The following CCDC91 variants were observed in gnomAD, a reference collection of about 807,000 sequenced individuals.
CCDC91 encodes coiled-coil domain containing 91.
Under a neutral mutation model 63.2 loss-of-function variants are expected in CCDC91, and 48 were observed. The observed-to-expected ratio is 0.76, with a 90% confidence interval of 0.60 to 0.97. The LOEUF (loss-of-function observed/expected upper bound fraction) is 0.97, where lower values mean the gene tolerates loss of function less well. Among genes scored for constraint, CCDC91 ranks in the 50% least tolerant of loss-of-function variants. The pLI is 0.00. For missense variants in CCDC91, 500 were observed against 494.6 expected, an observed-to-expected ratio of 1.01 and a Z score of -0.10; for synonymous variants, 167 against 165.8, an observed-to-expected ratio of 1.01 and a Z score of -0.06.
At chr12:28,431,239 C>G (rs980258582) in intron 8 of CCDC91, among the ~76,000 whole-genome samples, 1 of 152,078 alleles carries the variant, frequency 6.6e-6, no homozygotes, top group Non-Finnish European at 1.5e-5. Flanking sequence ...TCCTATGTAT[C>G]TATTAATCAA....
chr12:28,357,461 G>A (rs533071308), intron 6 of CCDC91, among the ~76,000 whole-genome samples: 3 of 152,088 alleles, frequency 2.0e-5, no homozygotes, highest in Admixed American at 1.3e-4. Flanking sequence ...CAGATTTTAC[G>A]GACCATGACT....
At chr12:28,489,244 TTCTC>T (rs1951875053) in intron 12 of CCDC91, among the ~76,000 whole-genome samples, 1 of 151,942 alleles carries the variant, frequency 6.6e-6, no homozygotes, top group African/African-American at 2.4e-5. Flanking sequence ...TGGAGAAGAT[TTCTC>T]TCTATGTATT....
At chr12:28,389,535 G>A (rs1945809170) in intron 7 of CCDC91, among the ~76,000 whole-genome samples, 1 of 152,024 alleles carries the variant, frequency 6.6e-6, no homozygotes. Flanking sequence ...CCTAGAGGAA[G>A]ACTACCTTAT....
intron 12 of CCDC91, among the ~76,000 whole-genome samples, chr12:28,505,892 C>G (rs1242309648): frequency 2.6e-5 from 4 of 151,968 alleles, no homozygotes; most frequent in African/African-American, 9.7e-5. Context: ...ACAGAGATGA[C>G]TGCTTAAACA....
At chr12:28,542,701 CAG>C (rs1160315265) in intron 12 of CCDC91, among the ~76,000 whole-genome samples, 1 of 152,044 alleles carries the variant, frequency 6.6e-6, no homozygotes. Context: ...GAAATTGGTT[CAG>C]AGTCTCTTTC....
chr12:28,536,293 A>AT (rs1256839348), intron 12 of CCDC91, among the ~76,000 whole-genome samples: 1 of 152,232 alleles, frequency 6.6e-6, no homozygotes, highest in Non-Finnish European at 1.5e-5. Flanking sequence ...CGAAATTTCT[A>AT]TCTAAAATGC....
At chr12:28,244,159 G>A (rs888988772) in intron 1 of CCDC91, among the ~76,000 whole-genome samples, 3 of 152,104 alleles carry the variant, frequency 2.0e-5, no homozygotes, top group Non-Finnish European at 4.4e-5. Context: ...TAGATTAAAA[G>A]TGAAAAACTG....
chr12:28,488,650 A>G (rs925948393), intron 12 of CCDC91, among the ~76,000 whole-genome samples: 1 of 151,880 alleles, frequency 6.6e-6, no homozygotes, highest in Non-Finnish European at 1.5e-5. Flanking sequence ...ACACTCATAA[A>G]TTTTCCATTG....
At chr12:28,407,298 G>A (rs889630687) in intron 8 of CCDC91, among the ~76,000 whole-genome samples, 1 of 151,984 alleles carries the variant, frequency 6.6e-6, no homozygotes, top group Non-Finnish European at 1.5e-5. Flanking sequence ...TGCAAGAATG[G>A]AATAATACAG....
At chr12:28,500,810 T>C (rs1937729628) in intron 12 of CCDC91, among the ~76,000 whole-genome samples, 1 of 151,732 alleles carries the variant, frequency 6.6e-6, no homozygotes, top group Non-Finnish European at 1.5e-5. Flanking sequence ...CAGTCAGCAC[T>C]TGGAATGTTC....
At chr12:28,328,746 G>A (rs1231342354) in intron 6 of CCDC91, among the ~76,000 whole-genome samples, 4 of 152,012 alleles carry the variant, frequency 2.6e-5, no homozygotes, top group Non-Finnish European at 5.9e-5. Flanking sequence ...TGACTAAAAA[G>A]AATTATTATT....
At chr12:28,509,081 T>C (rs1939076096) in intron 12 of CCDC91, among the ~76,000 whole-genome samples, 1 of 151,944 alleles carries the variant, frequency 6.6e-6, no homozygotes, top group African/African-American at 2.4e-5. Flanking sequence ...TTTCACGTAA[T>C]GTGGACTGCT....
In CCDC91 at chr12:28,549,240, A is replaced by G; in HGVS notation, c.*67A>G. On this transcript the variant is annotated 3_prime_UTR_variant, in exon 13 of 13. Coordinates refer to ENST00000536442, the MANE Select transcript of CCDC91 (RefSeq NM_018318.5). ...TTACACCTTCAAAATACACACTCTGAATTATAAAGATGTGTTTGTTTTCTT... is the reference window on the plus strand; with the variant it reads ...TTACACCTTCAAAATACACACTCTGGATTATAAAGATGTGTTTGTTTTCTT... 1.2e-6 allele frequency: 1 copy of G among 855,974 alleles called. No homozygotes were observed. The highest frequency in any genetic ancestry group is 2.0e-6 in the Non-Finnish European group (1 of 507,094). The allele number at this position is 855,974 out of a possible 1,614,324, so 53.0% of individuals were successfully genotyped here.
intron 3 of CCDC91, among the ~76,000 whole-genome samples, chr12:28,288,296 G>T (rs1949025585): frequency 1.3e-5 from 2 of 152,210 alleles, no homozygotes; most frequent in Non-Finnish European, 1.5e-5. Flanking sequence ...CAAGGGAAAT[G>T]CTTTCAGCTT....
Position 28,259,406 on chromosome 12 carries a change from A to G in CCDC91, c.73A>G (p.Thr25Ala). 6.2e-7 allele frequency: 1 copy of G among 1,611,532 alleles called. No homozygotes were observed. Among genetic ancestry groups the G allele is most frequent in the South Asian group, 1.1e-5 (1 of 90,962 alleles). Residue 25 changes from threonine (T) to alanine (A), a missense_variant, in exon 3 of 13, where the codon ACA (threonine) becomes GCA (alanine). Coordinates refer to ENST00000536442, the MANE Select transcript of CCDC91 (RefSeq NM_018318.5). ...FDGGSGETQT[T>A]SPAIPWAAFP... is the part of the protein sequence containing the mutation. ...TGGTGGAAGTGGTGAAACCCAAACAACATCTCCTGCTATTCCTTGGGCTGC... is the reference window on the plus strand; with the variant it reads ...TGGTGGAAGTGGTGAAACCCAAACAGCATCTCCTGCTATTCCTTGGGCTGC...
intron 12 of CCDC91, among the ~76,000 whole-genome samples, chr12:28,504,158 T>C (rs1370085628): frequency 1.3e-5 from 2 of 151,868 alleles, no homozygotes; most frequent in African/African-American, 4.8e-5. Context: ...AGAATCATAT[T>C]AAATTTGTAA....
chr12:28,538,571 G>A (rs1169581602), intron 12 of CCDC91, among the ~76,000 whole-genome samples: 1 of 152,044 alleles, frequency 6.6e-6, no homozygotes, highest in African/African-American at 2.4e-5. Flanking sequence ...AAACATACAT[G>A]TGCATGTGTC....
intron 1 of CCDC91, chr12:28,190,872 T>C (rs1382456059): frequency 6.6e-6 from 1 of 152,192 alleles, no homozygotes; most frequent in Non-Finnish European, 1.5e-5. Context: ...GTTCCTGCGC[T>C]CGCCGGTGGG....
At chr12:28,268,619 G>A (rs1947523289) in intron 3 of CCDC91, 2 of 981,094 alleles carry the variant, frequency 2.0e-6, no homozygotes, top group South Asian at 9.4e-5. Context: ...TAGAATGAGG[G>A]CTCCATTATT....
Sources: gnomAD v4.1 joint callset for allele counts (sites outside exome capture counted in the v4.1 genomes callset) on GRCh38, gnomAD v4.1.1 for gene constraint, MANE v1.5 for transcripts, NCBI Gene and HGNC (gene_info 2026-07-23, HGNC 2026-07-21) for gene names.